MID2: variants seen among roughly 807,000 people sequenced by gnomAD.
MID2 encodes probable E3 ubiquitin-protein ligase MID2.
In MID2, 13 loss-of-function variants were observed where a neutral mutation model predicts 46.1. The observed-to-expected ratio is 0.28, with a 90% CI of 0.18 to 0.45. MID2 has a LOEUF of 0.45. Ranked by LOEUF, MID2 falls within the 20% of genes least tolerant of loss-of-function variation. MID2 has a pLI of 1.00. For missense variants in MID2, 431 were observed against 575.4 expected (o/e 0.75, Z 2.57); for synonymous variants, 199 against 212.3 (o/e 0.94, Z 0.55).
intron 7 of MID2, among the ~76,000 whole-genome samples, chrX:107,920,984 A>G (rs1261748470): frequency 2.7e-5 from 3 of 111,986 alleles, no homozygotes; most frequent in Non-Finnish European, 5.6e-5. Context: ...ACTTGAAGAA[A>G]TTTAACGTTG....
chrX:107,882,761 T>G (rs778390621), intron 3 of MID2, among the ~76,000 whole-genome samples: 2 of 112,092 alleles, frequency 1.8e-5, no homozygotes, highest in South Asian at 7.5e-4. Context: ...GGTGGGACTG[T>G]AAACTAGTTC....
intron 1 of MID2, 63 bp from the exon 2 acceptor site, chrX:107,840,607 A>T: frequency 1.7e-5 from 16 of 928,777 alleles, no homozygotes; most frequent in Non-Finnish European, 2.4e-5. Flanking sequence ...GTTAGTGTAT[A>T]ATTGTGTTAT....
intron 6 of MID2, among the ~76,000 whole-genome samples, chrX:107,917,168 TA>T (rs1172208302): frequency 2.7e-5 from 3 of 111,711 alleles, no homozygotes; most frequent in African/African-American, 6.5e-5. Flanking sequence ...TTTTGAAATT[TA>T]AAAAAATAAG....
chrX:107,849,760 A>G (rs1269593490), intron 2 of MID2, among the ~76,000 whole-genome samples: 1 of 112,558 alleles, frequency 8.9e-6, no homozygotes, highest in Non-Finnish European at 1.9e-5. Flanking sequence ...GTTTAGACAC[A>G]TGTACAATTT....
chrX:107,908,531 A>G (rs1932855824), intron 5 of MID2, among the ~76,000 whole-genome samples: 1 of 110,884 alleles, frequency 9.0e-6, no homozygotes, highest in Non-Finnish European at 1.9e-5. Context: ...CTTAGATATT[A>G]TAACTTTCAT....
intron 3 of MID2, among the ~76,000 whole-genome samples, chrX:107,903,522 A>T (rs940588696): frequency 2.7e-5 from 3 of 112,185 alleles, no homozygotes; most frequent in Non-Finnish European, 3.8e-5. Context: ...GAAGGGAACA[A>T]GGAAAACTGA....
intron 1 of MID2, among the ~76,000 whole-genome samples, chrX:107,832,156 T>C (rs1356028373): frequency 1.8e-5 from 2 of 112,553 alleles, no homozygotes; most frequent in Non-Finnish European, 3.7e-5. Flanking sequence ...TAATAACCTA[T>C]TAGACAGGAG....
chrX:107,884,672 T>C (rs889764866), intron 3 of MID2, among the ~76,000 whole-genome samples: 3 of 109,887 alleles, frequency 2.7e-5, no homozygotes, highest in Non-Finnish European at 5.8e-5. Context: ...AAATTTTAGC[T>C]ACAAAGAGAC....
Position 107,929,415 on chromosome X carries a change from C to T in MID2, c.*2342C>T, listed in dbSNP as rs1933244527. On this transcript the variant is annotated 3_prime_UTR_variant, in exon 10 of 10. Coordinates refer to ENST00000262843, the MANE Select transcript of MID2 (RefSeq NM_012216.4). ...TCCCTGTTTGCTTACACAGCTTAAT[C>T]TTTTGCCACTTTCCCCCTCACATTG... 9.0e-6 allele frequency among the ~76,000 whole-genome samples: 1 copy of T among 111,662 alleles called. No homozygotes were observed. Among genetic ancestry groups the T allele is most frequent in the African/African-American group, 3.3e-5 (1 of 30,700 alleles).
intron 3 of MID2, among the ~76,000 whole-genome samples, chrX:107,887,802 G>T (rs1190890572): frequency 7.2e-5 from 8 of 111,779 alleles, no homozygotes; most frequent in South Asian, 3.8e-4. Flanking sequence ...CAATTTCAGA[G>T]CCTGTTATTG....
chrX:107,918,563 T>G (rs1051606622), intron 7 of MID2, among the ~76,000 whole-genome samples: 3 of 112,018 alleles, frequency 2.7e-5, no homozygotes, highest in African/African-American at 9.7e-5. Flanking sequence ...TTTCCTGTTT[T>G]GTGACAAATC....
chrX:107,828,234 G>A (rs750145185), intron 1 of MID2, among the ~76,000 whole-genome samples: 2 of 110,432 alleles, frequency 1.8e-5, no homozygotes, highest in Admixed American at 9.6e-5. Context: ...GCAGATGCTG[G>A]CATCACACTT....
Position 107,825,901 on chromosome X carries a change from C to G in MID2, c.-526C>G, listed in dbSNP as rs1295433433. On this transcript the variant is annotated 5_prime_UTR_variant, in exon 1 of 10. Coordinates refer to ENST00000262843, the MANE Select transcript of MID2 (RefSeq NM_012216.4). ...GGGGAGAAGACATGTAAACGTGCCT[C>G]CAGAGGAAGGGCTGGGGGAGCTGGG... is the stretch of plus-strand genomic sequence containing the variant. 3 of 263,480 alleles carry G rather than the reference C, an allele frequency of 1.1e-5. No individual in the cohort carries two copies. Among genetic ancestry groups the G allele is most frequent in the Non-Finnish European group, 2.0e-5 (3 of 149,818 alleles). 21.7% of individuals were successfully genotyped at this position (263,480 alleles called of 1,213,427 possible). A position where few individuals can be genotyped will look rare whatever the true frequency, so the allele number is the denominator to read the frequency against.
intron 3 of MID2, among the ~76,000 whole-genome samples, chrX:107,886,235 C>G (rs778972895): frequency 8.9e-6 from 1 of 112,243 alleles, no homozygotes; most frequent in African/African-American, 3.2e-5. Flanking sequence ...AGGTTTTCTT[C>G]TAGGAGTTTT....
intron 1 of MID2, among the ~76,000 whole-genome samples, chrX:107,827,980 G>A (rs2147818699): frequency 8.9e-6 from 1 of 112,277 alleles, no homozygotes; most frequent in South Asian, 3.7e-4. Context: ...TTGGAGGTGG[G>A]GCCTGATGGG....
intron 2 of MID2, among the ~76,000 whole-genome samples, chrX:107,854,223 T>C (rs1931693118): frequency 8.9e-6 from 1 of 112,120 alleles, no homozygotes; most frequent in Non-Finnish European, 1.9e-5. Flanking sequence ...TGTGTAATAG[T>C]TTTCTTAGTC....
At chrX:107,903,903 C>A in intron 3 of MID2, 55 bp from the exon 4 acceptor site, 1 of 886,717 alleles carries the variant, frequency 1.1e-6, no homozygotes, top group Non-Finnish European at 1.7e-6. Flanking sequence ...CCTTTTAGAG[C>A]CAGCAGGGGA....
chrX:107,855,914 G>A (rs889513093), intron 3 of MID2, among the ~76,000 whole-genome samples: 4 of 111,814 alleles, frequency 3.6e-5, no homozygotes, highest in Admixed American at 1.9e-4. Flanking sequence ...AAATGAAGTG[G>A]GGGATTAGGG....
intron 1 of MID2, among the ~76,000 whole-genome samples, chrX:107,831,284 G>A (rs991248258): frequency 9.0e-6 from 1 of 111,639 alleles, no homozygotes; most frequent in African/African-American, 3.3e-5. Flanking sequence ...GTCAGACTCC[G>A]CTGGTTGATG....
Sources: gnomAD v4.1 joint callset for allele counts (sites outside exome capture counted in the v4.1 genomes callset) on GRCh38, gnomAD v4.1.1 for gene constraint, MANE v1.5 for transcripts, NCBI Gene and HGNC (gene_info 2026-07-23, HGNC 2026-07-21) for gene names.